Variants in ITFG1 observed in about 807,000 individuals in gnomAD.
ITFG1 encodes the protein integrin alpha FG-GAP repeat containing 1, also known as T-cell immunomodulatory protein.
ITFG1 carries 34 observed loss-of-function variants against 81.8 expected under a neutral mutation model. That is an observed-to-expected ratio of 0.42 (90% CI 0.32 to 0.55). The LOEUF (loss-of-function observed/expected upper bound fraction) is 0.55. Ranked by LOEUF, ITFG1 falls within the 20% of genes least tolerant of loss-of-function variation. The probability of loss-of-function intolerance (pLI) is 0.17; values close to 1 mark genes in which losing one functional copy is unlikely to be tolerated. For synonymous variants in ITFG1, 285 were observed against 270.6 expected, an observed-to-expected ratio of 1.05 and a Z score of -0.52; for missense variants, 672 against 755.4, an observed-to-expected ratio of 0.89 and a Z score of 1.29.
chr16:47,193,273 A>G (rs2151518179), intron 14 of ITFG1, among the ~76,000 whole-genome samples: 1 of 150,784 alleles, frequency 6.6e-6, no homozygotes, highest in Non-Finnish European at 1.5e-5. Flanking sequence ...TTTTTCACTC[A>G]TTATTCATTC....
At position 47,326,823 on chromosome 16, in the gene ITFG1, G is replaced by A. The variant is rs1029924762; in HGVS notation, c.803-13000C>T. Among the ~76,000 whole-genome samples, 6 of 152,142 alleles carry A rather than the reference G, an allele frequency of 3.9e-5. 1 individual carries two copies. The highest frequency in any genetic ancestry group is 1.4e-4 in the African/African-American group (6 of 41,446). ...CAAACCACTGCTCAAGGAAATAAAA[G>A]AGGATACAAACAAATGGAAGAACAT... On this transcript the variant is annotated intron_variant, in intron 8 of 17. Transcript: ENST00000320640.
intron 6 of ITFG1, among the ~76,000 whole-genome samples, chr16:47,381,358 C>T (rs1305138495): frequency 2.0e-5 from 3 of 152,090 alleles, no homozygotes; most frequent in African/African-American, 2.4e-5. Flanking sequence ...AAAAATATTC[C>T]GATGGAAATT....
Position 47,258,697 on chromosome 16 carries a change from T to A in ITFG1, c.1265A>T (p.Asn422Ile), listed in dbSNP as rs766816907. 1 of 1,562,726 alleles carries A rather than the reference T, an allele frequency of 6.4e-7. No homozygotes were observed. The highest frequency in any genetic ancestry group is 1.7e-4 in the Middle Eastern group (1 of 5,928). Residue 422 changes from asparagine to isoleucine, a missense_variant, in exon 12 of 18, where the codon AAT (asparagine) becomes ATT (isoleucine). By Grantham distance (149) the Asn-to-Ile change is moderately radical (BLOSUM62 -3). Around this residue, in one of 3 missense-constraint regions of ITFG1, gnomAD observed 560 missense variants for 625.7 expected, o/e 0.90. Transcript: ENST00000320640. ...TTTTAGTGTATGAATGGCAAAATCATTCTTTGTATATCCTTTACTTAGCAC... is the reference window on the plus strand; with the variant it reads ...TTTTAGTGTATGAATGGCAAAATCAATCTTTGTATATCCTTTACTTAGCAC... ...IVVLSKGYTK[N>I]DFAIHTLKNN...
chr16:47,311,453 T>C lies in ITFG1; in HGVS notation c.898-41A>G, dbSNP rs755345600. On this transcript the variant is annotated intron_variant, in intron 9 of 17. Coordinates refer to ENST00000320640, the MANE Select transcript of ITFG1 (RefSeq NM_030790.5). The stretch of plus-strand genomic sequence containing the variant: ...AAAAGATCAGACTTTATAGTTATTT[T>C]ATAAAAAAATTTATAATTTGCAAAA... 6 of 1,441,758 alleles carry C rather than the reference T, an allele frequency of 4.2e-6. No individual in the cohort carries two copies. The South Asian group carries it at 8.7e-5, about 21-fold the overall frequency. The allele number at this position is 1,441,758 out of a possible 1,614,324, so 89.3% of individuals were successfully genotyped here.
intron 13 of ITFG1, among the ~76,000 whole-genome samples, chr16:47,224,634 G>T (rs944043280): frequency 6.6e-6 from 1 of 152,116 alleles, no homozygotes; most frequent in African/African-American, 2.4e-5. Context: ...TTGACGTATA[G>T]TTAAAAATGT....
chr16:47,383,099 T>A (rs1290680974), intron 6 of ITFG1, among the ~76,000 whole-genome samples: 1 of 152,224 alleles, frequency 6.6e-6, no homozygotes, highest in African/African-American at 2.4e-5. Context: ...TTTTCAATAT[T>A]GGAATGTTTA....
intron 12 of ITFG1, among the ~76,000 whole-genome samples, chr16:47,241,052 A>C (rs1596828832): frequency 6.6e-6 from 1 of 150,664 alleles, no homozygotes; most frequent in Non-Finnish European, 1.5e-5. Flanking sequence ...CACAATTTAA[A>C]TCATGGTTAA....
intron 5 of ITFG1, among the ~76,000 whole-genome samples, chr16:47,445,123 A>G (rs1050630454): frequency 8.6e-5 from 13 of 151,392 alleles, no homozygotes; most frequent in African/African-American, 2.9e-4. Flanking sequence ...AAAAAAAAAA[A>G]AAAAGAAAAA....
chr16:47,339,414 T>C (rs183739796), intron 8 of ITFG1, among the ~76,000 whole-genome samples: 139 of 152,274 alleles, frequency 9.1e-4, no homozygotes, highest in African/African-American at 3.1e-3. Context: ...CCTAGACAAA[T>C]ACTTTAAAAC....
intron 10 of ITFG1, among the ~76,000 whole-genome samples, chr16:47,284,508 G>A (rs1416857601): frequency 6.6e-6 from 1 of 152,100 alleles, no homozygotes; most frequent in Non-Finnish European, 1.5e-5. Context: ...AATATACAGT[G>A]TAGCCATCAT....
intron 10 of ITFG1, among the ~76,000 whole-genome samples, chr16:47,301,725 A>G (rs771860710): frequency 6.6e-6 from 1 of 152,182 alleles, no homozygotes; most frequent in Non-Finnish European, 1.5e-5. Flanking sequence ...TAAATATTTC[A>G]TGACTGACAA....
At chr16:47,262,223 A>G (rs1966218058) in intron 10 of ITFG1, among the ~76,000 whole-genome samples, 1 of 152,254 alleles carries the variant, frequency 6.6e-6, no homozygotes, top group Non-Finnish European at 1.5e-5. Flanking sequence ...AACAAATGAA[A>G]AAAATCTTTC....
rs536406589 is a variant in ITFG1 at position 47,180,952 on chromosome 16, G to A, written c.1454-18288C>T. On this transcript the variant is annotated intron_variant, in intron 14 of 17. Transcript: ENST00000320640. ...TAGGAAGTGAGGAGCGTCTCTGCCC[G>A]GCCGCCCATCATCTGGGATGTGAGA... Among the ~76,000 whole-genome samples the A allele has an allele frequency of 4.7e-4, 71 of 150,706 alleles. No homozygotes were observed. The South Asian group carries it at 0.014, about 30-fold the overall frequency.
intron 1 of ITFG1, among the ~76,000 whole-genome samples, chr16:47,460,211 G>A (rs1319559473): frequency 2.6e-5 from 4 of 152,266 alleles, no homozygotes; most frequent in Non-Finnish European, 5.9e-5. Context: ...TGTAGTTTGA[G>A]ACTGCTTTCC....
At chr16:47,260,414 G>T (rs1388595272) in intron 11 of ITFG1, 131 bp downstream of exon 11, 1 of 892,462 alleles carries the variant, frequency 1.1e-6, no homozygotes, top group Non-Finnish European at 1.7e-6. Flanking sequence ...ACATTAAAAG[G>T]GGCTTTCCTT....
intron 10 of ITFG1, among the ~76,000 whole-genome samples, chr16:47,261,096 T>C (rs1163783904): frequency 6.6e-6 from 1 of 152,228 alleles, no homozygotes; most frequent in Non-Finnish European, 1.5e-5. Flanking sequence ...AATGAATCTA[T>C]TACAACAGAA....
At chr16:47,461,080 C>A, upstream of ITFG1, 3 of 1,490,298 alleles carry the variant, frequency 2.0e-6, no homozygotes, top group Non-Finnish European at 8.9e-7. Context: ...CGGCCCAACG[C>A]CGCGCTTGAC....
chr16:47,320,988 TA>T (rs1011140565), intron 8 of ITFG1, among the ~76,000 whole-genome samples: 1 of 152,202 alleles, frequency 6.6e-6, no homozygotes, highest in African/African-American at 2.4e-5. Flanking sequence ...ATGGAATGGC[TA>T]AATATTTCTA....
intron 14 of ITFG1, among the ~76,000 whole-genome samples, chr16:47,194,519 T>C (rs1168156716): frequency 6.6e-6 from 1 of 152,174 alleles, no homozygotes; most frequent in African/African-American, 2.4e-5. Context: ...GGCTAATGAA[T>C]AGTGAAGTCA....
Sources: gnomAD v4.1 joint callset for allele counts (sites outside exome capture counted in the v4.1 genomes callset) on GRCh38, gnomAD v4.1.1 for gene constraint, gnomAD v4.1.1 regional missense constraint, MANE v1.5 for transcripts, NCBI Gene and HGNC (gene_info 2026-07-23, HGNC 2026-07-21) for gene names.